THEMIS2: variants seen among roughly 807,000 people sequenced by gnomAD.
THEMIS2 encodes protein THEMIS2.
Under a neutral mutation model 46.8 loss-of-function variants are expected in THEMIS2, and 29 were observed. The ratio of observed to expected loss-of-function variants is 0.62; its 90% CI spans 0.46 to 0.84. THEMIS2 has a LOEUF of 0.84. Ranked by LOEUF, THEMIS2 falls within the 40% of genes least tolerant of loss-of-function variation. The pLI is 0.00. For missense variants in THEMIS2, 698 were observed against 834.7 expected (o/e 0.84, Z 2.02); for synonymous variants, 335 against 349.1 (o/e 0.96, Z 0.45).
chr1:27,885,188 T>C, intron 4 of THEMIS2, 107 bp from the exon 5 acceptor site: 1 of 1,208,998 alleles, frequency 8.3e-7, no homozygotes, highest in East Asian at 2.5e-5. Context: ...GAAAAGGAAG[T>C]AGAGAGAGAA....
intron 4 of THEMIS2, chr1:27,884,361 T>C (rs1571592619): frequency 6.6e-6 from 1 of 152,410 alleles, no homozygotes; most frequent in East Asian, 1.9e-4. Context: ...TTTGGGATCT[T>C]GGGTGACTCG....
rs2089583177 is a variant in THEMIS2, at chr1:27,876,569, G to A, written c.95-19G>A. 2 of 1,610,884 alleles carry A rather than the reference G, an allele frequency of 1.2e-6. No homozygotes were observed. The highest frequency in any genetic ancestry group is 3.3e-4 in the Middle Eastern group (2 of 6,054). ...CTTGGCCCTTGTCCAATGGGGAAAT[G>A]GAGTCCTTGTCTCCGCAGGCTCCAT... On this transcript the variant is annotated intron_variant, in intron 1 of 5. Transcript: ENST00000373921.
In THEMIS2 at chr1:27,872,706, T is replaced by TG; in HGVS notation, c.94+45dup. 8.0e-7 allele frequency: 1 copy of TG among 1,253,032 alleles called. No homozygotes were observed. Among genetic ancestry groups the TG allele is most frequent in the Non-Finnish European group, 1.0e-6 (1 of 992,776 alleles). The allele number at this position is 1,253,032 out of a possible 1,614,324, so 77.6% of individuals were successfully genotyped here. On this transcript the variant is annotated intron_variant, in intron 1 of 5. Coordinates refer to ENST00000373921, the MANE Select transcript of THEMIS2 (RefSeq NM_001105556.3). The surrounding 1 kb of genome is among the most constrained non-coding windows in gnomAD (Gnocchi z 4.9). ...AACCCCTCCGAGCACTCCCTTGGTG[T>TG]GGGGCGGGGGCAGAGACCCGGAGAA...
Position 27,885,975 on chromosome 1 carries a change from A to G in THEMIS2, c.*53A>G. On this transcript the variant is annotated 3_prime_UTR_variant, in exon 6 of 6. Coordinates refer to ENST00000373921, the MANE Select transcript of THEMIS2 (RefSeq NM_001105556.3). The stretch of plus-strand genomic sequence containing the variant: ...GCTGCTTCTCAGGGAATCCGACACC[A>G]GCCAACCATTTTAAGCCTCTAAAAG... 1 of 1,579,534 alleles carries G rather than the reference A, an allele frequency of 6.3e-7. No homozygotes were observed. The highest frequency in any genetic ancestry group is 8.7e-7 in the Non-Finnish European group (1 of 1,148,928).
intron 5 of THEMIS2, 152 bp downstream of exon 5, chr1:27,885,603 A>G: frequency 9.2e-7 from 1 of 1,081,926 alleles, no homozygotes; most frequent in Admixed American, 2.9e-5. Context: ...TCAGGTAGAA[A>G]GGTTCCTACT....
In THEMIS2 at chr1:27,876,581, T is replaced by A. The variant is rs758434367; in HGVS notation, c.95-7T>A. 2.5e-6 allele frequency: 4 copies of A among 1,612,390 alleles called. No homozygotes were observed. In the South Asian group the frequency reaches 4.4e-5, roughly 18 times the overall value. ...CCAATGGGGAAATGGAGTCCTTGTC[T>A]CCGCAGGCTCCATCTATGAGATCTC... On this transcript the variant is annotated splice_region_variant and splice_polypyrimidine_tract_variant and intron_variant, in intron 1 of 5. Coordinates refer to ENST00000373921, the MANE Select transcript of THEMIS2 (RefSeq NM_001105556.3).
At chr1:27,884,937 C>T in intron 4 of THEMIS2, 1 of 194,942 alleles carries the variant, frequency 5.1e-6, no homozygotes. Context: ...GCCACCTCAG[C>T]TCAGGCGTCG....
At position 27,885,991 on chromosome 1, in the gene THEMIS2, C is replaced by A. The variant is rs1378392914; in HGVS notation, c.*69C>A. 5 of 1,503,988 alleles carry A rather than the reference C, an allele frequency of 3.3e-6. No homozygotes were observed. The highest frequency in any genetic ancestry group is 1.1e-5 in the South Asian group (1 of 88,274). The allele number at this position is 1,503,988 out of a possible 1,614,324, so 93.2% of individuals were successfully genotyped here. On this transcript the variant is annotated 3_prime_UTR_variant, in exon 6 of 6. Coordinates refer to ENST00000373921, the MANE Select transcript of THEMIS2 (RefSeq NM_001105556.3). ...TCCGACACCAGCCAACCATTTTAAG[C>A]CTCTAAAAGACCTCGGGCAAGTCTC...
chr1:27,885,310 G>A lies in THEMIS2; in HGVS notation c.1735G>A (p.Gly579Arg). The A allele has an allele frequency of 6.2e-7, 1 of 1,614,044 alleles. No homozygotes were observed. The highest frequency in any genetic ancestry group is 8.5e-7 in the Non-Finnish European group (1 of 1,179,982). The change falls in exon 5 of 6, where the codon GGA becomes AGA. Residue 579 changes from glycine to arginine, a missense_variant. By Grantham distance (125) the Gly-to-Arg change is moderately radical. Coordinates refer to ENST00000373921, the MANE Select transcript of THEMIS2 (RefSeq NM_001105556.3). ...TCTCCCAAAGTCTTCTCAAGTCTTA[G>A]GATTGCAGCAACACGCTCGGCTGCC... ...EGGVKSSQVL[G>R]LQQHARLPKP...
intron 1 of THEMIS2, among the ~76,000 whole-genome samples, chr1:27,876,053 ACT>A (rs2089572006): frequency 6.6e-6 from 1 of 151,436 alleles, no homozygotes; most frequent in African/African-American, 2.4e-5. Context: ...ATTGGGCCTC[ACT>A]CTGTCAGTGC....
In THEMIS2 at chr1:27,872,939, T is replaced by G. The variant is rs1037544372; in HGVS notation, c.94+274T>G. ...TGGATGCAGCCGGGCCACTCCTAGG[T>G]GGCCCCGCGGTGCGCATGGGACAGA... On this transcript the variant is annotated intron_variant, in intron 1 of 5. Coordinates refer to ENST00000373921, the MANE Select transcript of THEMIS2 (RefSeq NM_001105556.3). This position sits in a 1 kb window ranked among gnomAD's most constrained non-coding sequence, Gnocchi z 4.9. Among the ~76,000 whole-genome samples, 1 of 152,156 alleles carries G rather than the reference T, an allele frequency of 6.6e-6. No homozygotes were observed. Among genetic ancestry groups the G allele is most frequent in the Admixed American group, 6.5e-5 (1 of 15,298 alleles).
At position 27,886,441 on chromosome 1, in the gene THEMIS2, G is replaced by A. The variant is rs1571596406; in HGVS notation, c.*519G>A. The A allele has an allele frequency of 6.5e-6, 1 of 153,422 alleles. No homozygotes were observed. The highest frequency in any genetic ancestry group is 2.4e-5 in the African/African-American group (1 of 41,416). 9.5% of individuals were successfully genotyped at this position (153,422 alleles called of 1,614,324 possible). On this transcript the variant is annotated 3_prime_UTR_variant, in exon 6 of 6. Transcript: ENST00000373921. ...GTAAACAGGGGTTTAACCACATGTG[G>A]TTAACATGGATTAATGTGGGAACTT...
chr1:27,878,878 T>C (rs1206381853), intron 2 of THEMIS2, among the ~76,000 whole-genome samples: 1 of 152,212 alleles, frequency 6.6e-6, no homozygotes, highest in Non-Finnish European at 1.5e-5. Flanking sequence ...CATATTCAGT[T>C]GTCCTGTTTC....
intron 4 of THEMIS2, chr1:27,883,328 C>G (rs1160800274): frequency 2.4e-6 from 1 of 415,550 alleles, no homozygotes; most frequent in Admixed American, 3.9e-5. Flanking sequence ...AGTCTAACTC[C>G]AAGTTCATGG....
Position 27,879,932 on chromosome 1 carries a change from C to T in THEMIS2, c.524C>T (p.Pro175Leu), listed in dbSNP as rs1296745747. The T allele has an allele frequency of 6.2e-7, 1 of 1,611,126 alleles. No homozygotes were observed. Among genetic ancestry groups the T allele is most frequent in the Admixed American group, 1.7e-5 (1 of 59,574 alleles). Residue 175 changes from proline to leucine, a missense_variant, in exon 3 of 6, where the codon CCT (proline) becomes CTT (leucine). Physicochemically the swap from Pro to Leu is moderately conservative, Grantham distance 98 (BLOSUM62 -3). Transcript: ENST00000373921. Reference protein sequence around the residue: ...GPFWTWEPSAPRTLLQVLQDP... With the variant: ...GPFWTWEPSALRTLLQVLQDP... Reference sequence around the variant, plus strand: ...TTCTGGACATGGGAGCCTAGTGCCCCTCGAACTCTGCTCCAGGTCCTACAG... The same window carrying T: ...TTCTGGACATGGGAGCCTAGTGCCCTTCGAACTCTGCTCCAGGTCCTACAG...
intron 1 of THEMIS2, among the ~76,000 whole-genome samples, chr1:27,876,281 C>A (rs922390839): frequency 5.9e-5 from 9 of 152,038 alleles, no homozygotes; most frequent in African/African-American, 2.2e-4. Flanking sequence ...AGAGGCCAAG[C>A]CCTGTGCTGG....
At chr1:27,883,090 CA>C in intron 4 of THEMIS2, 47 bp downstream of exon 4, 1 of 1,480,662 alleles carries the variant, frequency 6.8e-7, no homozygotes, top group African/African-American at 1.4e-5. Context: ...CTATTGGGAT[CA>C]CTGCTTCTTT....
chr1:27,874,962 G>T (rs1253892030), intron 1 of THEMIS2, among the ~76,000 whole-genome samples: 2 of 151,344 alleles, frequency 1.3e-5, no homozygotes, highest in African/African-American at 2.4e-5. Context: ...CCCCTGAGAG[G>T]CTGTTTCTTT....
Position 27,876,697 on chromosome 1 carries a change from C to A in THEMIS2, c.204C>A (p.Ser68Arg). Residue 68 changes from serine to arginine, a missense_variant, in exon 2 of 6, where the codon AGC becomes AGA. Coordinates refer to ENST00000373921, the MANE Select transcript of THEMIS2 (RefSeq NM_001105556.3). ...TGGTCTGTGAGAACCCGAAGACCAG[C>A]CAGACCATGGAGCTCGCCCCCAACT... ...QKVVCENPKTSQTMELAPNFQ... is the reference protein window; with the variant it reads ...QKVVCENPKTRQTMELAPNFQ... The A allele has an allele frequency of 6.2e-7, 1 of 1,613,954 alleles. No individual in the cohort carries two copies. The highest frequency in any genetic ancestry group is 2.2e-5 in the East Asian group (1 of 44,878).
Sources: gnomAD v4.1 joint callset for allele counts (sites outside exome capture counted in the v4.1 genomes callset) on GRCh38, gnomAD v4.1.1 for gene constraint, Gnocchi (gnomAD v3.1) non-coding constraint, MANE v1.5 for transcripts, NCBI Gene and HGNC (gene_info 2026-07-23, HGNC 2026-07-21) for gene names.